GSE1: variants seen among roughly 807,000 people sequenced by gnomAD.
The protein encoded by GSE1 is genetic suppressor element 1.
A neutral mutation model predicts 112.6 loss-of-function variants in GSE1; 32 were observed. That is an observed-to-expected ratio of 0.28 (90% CI 0.21 to 0.38). GSE1 has a LOEUF of 0.38. Ranked by LOEUF, GSE1 falls within the 10% of genes least tolerant of loss-of-function variation. GSE1 has a pLI of 1.00. For synonymous variants in GSE1, 1,115 were observed against 735.6 expected, an observed-to-expected ratio of 1.52 and a Z score of -8.35; for missense variants, 2,348 against 1,699.2, an observed-to-expected ratio of 1.38 and a Z score of -6.71.
At chr16:85,423,734 C>A (rs897367547) in intron 2 of GSE1, among the ~76,000 whole-genome samples, 1 of 152,186 alleles carries the variant, frequency 6.6e-6, no homozygotes, top group Non-Finnish European at 1.5e-5. Flanking sequence ...CTCTCTCTGT[C>A]GCCGCATCCA....
intron 1 of GSE1, among the ~76,000 whole-genome samples, chr16:85,582,528 C>T (rs1310000587): frequency 2.6e-5 from 4 of 152,160 alleles, no homozygotes; most frequent in Non-Finnish European, 4.4e-5. Flanking sequence ...CCCTCCTTGG[C>T]GAGGGGAGGA....
chr16:85,233,225 C>T (rs897307051), intron 1 of GSE1, among the ~76,000 whole-genome samples: 1 of 152,274 alleles, frequency 6.6e-6, no homozygotes, highest in Non-Finnish European at 1.5e-5. Flanking sequence ...TACCCAGCCT[C>T]GTTTGTCAGC....
chr16:85,331,553 A>ATG (rs2046360750), intron 1 of GSE1, among the ~76,000 whole-genome samples: 4 of 86,404 alleles, frequency 4.6e-5, no homozygotes, highest in African/African-American at 2.2e-4. Context: ...GTGTGTATAT[A>ATG]TGTGTATATG....
chr16:85,245,006 A>AC (rs1308839123), intron 1 of GSE1, among the ~76,000 whole-genome samples: 7 of 151,376 alleles, frequency 4.6e-5, no homozygotes, highest in Non-Finnish European at 1.0e-4. Flanking sequence ...AAAAAAAAAA[A>AC]AATTTTTTTT....
intron 2 of GSE1, among the ~76,000 whole-genome samples, chr16:85,469,473 C>T (rs568274142): frequency 6.6e-6 from 1 of 152,162 alleles, no homozygotes; most frequent in Non-Finnish European, 1.5e-5. Context: ...GACATCTGGC[C>T]TCTGGGACTG....
intron 1 of GSE1, among the ~76,000 whole-genome samples, chr16:85,291,520 A>G (rs916147958): frequency 5.9e-5 from 9 of 152,078 alleles, no homozygotes; most frequent in African/African-American, 2.2e-4. Flanking sequence ...GGGTCGAATA[A>G]AGGGCTGTCG....
chr16:85,421,963 C>T (rs911106708), intron 2 of GSE1, among the ~76,000 whole-genome samples: 1 of 152,142 alleles, frequency 6.6e-6, no homozygotes, highest in East Asian at 1.9e-4. Context: ...CACAGCACCC[C>T]CCTTGAGGTA....
At chr16:85,500,513 G>A (rs561189349) in intron 2 of GSE1, among the ~76,000 whole-genome samples, 3 of 152,320 alleles carry the variant, frequency 2.0e-5, no homozygotes, top group African/African-American at 7.2e-5. Context: ...CTGGGTCCCC[G>A]ATCTCCATGG....
intron 2 of GSE1, among the ~76,000 whole-genome samples, chr16:85,647,014 C>T (rs1481860150): frequency 1.3e-5 from 2 of 152,184 alleles, no homozygotes; most frequent in Admixed American, 1.3e-4. Context: ...CCCCTTCTGA[C>T]CTGGGCGGGA....
At position 85,373,069 on chromosome 16, in the gene GSE1, TGA is replaced by T. The variant is rs2047336711; in HGVS notation, c.2464+15427_2464+15428del. Among the ~76,000 whole-genome samples the T allele has an allele frequency of 6.6e-6, 1 of 152,256 alleles. No homozygotes were observed. Among genetic ancestry groups the T allele is most frequent in the Non-Finnish European group, 1.5e-5 (1 of 68,042 alleles). Reference sequence around the variant, plus strand: ...TTCTCCAGAATCACCTGCACGGCTTTGACTGTGAGGGCAGTGGGCTGTGGCCT... The same window carrying T: ...TTCTCCAGAATCACCTGCACGGCTTTCTGTGAGGGCAGTGGGCTGTGGCCT... On this transcript the variant is annotated intron_variant, in intron 2 of 2. Coordinates refer to the GSE1 transcript ENST00000637419. This position sits in a 1 kb window ranked among gnomAD's most constrained non-coding sequence, Gnocchi z 5.1.
chr16:85,257,012 G>T (rs530961314), intron 1 of GSE1, among the ~76,000 whole-genome samples: 1 of 145,314 alleles, frequency 6.9e-6, no homozygotes, highest in South Asian at 2.1e-4. Flanking sequence ...ATTAGCCAAG[G>T]TGGGAGTCTT....
At chr16:85,258,606 G>A (rs1292250490) in intron 1 of GSE1, among the ~76,000 whole-genome samples, 1 of 152,140 alleles carries the variant, frequency 6.6e-6, no homozygotes, top group Non-Finnish European at 1.5e-5. Context: ...CAAGGCATCA[G>A]GAATCCCAGC....
At chr16:85,589,371 G>A (rs1226136149) in intron 1 of GSE1, among the ~76,000 whole-genome samples, 1 of 152,118 alleles carries the variant, frequency 6.6e-6, no homozygotes, top group African/African-American at 2.4e-5. Context: ...TGGACGCTGG[G>A]CAGAGCCTGG....
chr16:85,354,803 C>T (rs2046918461), intron 1 of GSE1, among the ~76,000 whole-genome samples: 1 of 152,220 alleles, frequency 6.6e-6, no homozygotes, highest in Non-Finnish European at 1.5e-5. Flanking sequence ...ACACAGTAGC[C>T]CCAAGCCTTC....
Position 85,230,411 on chromosome 16 carries a change from C to T in GSE1, c.2283+58604C>T, listed in dbSNP as rs1469329709. Among the ~76,000 whole-genome samples the T allele has an allele frequency of 4.6e-5, 7 of 152,108 alleles. No homozygotes were observed. In the South Asian group the frequency reaches 8.3e-4, roughly 18 times the overall value. ...CACGCCCCTTTCTTTTTGCAACTGA[C>T]GCAAACCCAACTCAGACTCACTCAA... On this transcript the variant is annotated intron_variant, in intron 1 of 2. Transcript: ENST00000637419.
intron 2 of GSE1, among the ~76,000 whole-genome samples, chr16:85,642,481 C>G (rs368424924): frequency 6.6e-6 from 1 of 152,204 alleles, no homozygotes; most frequent in African/African-American, 2.4e-5. Flanking sequence ...CCTGGGGACC[C>G]TCCTTCCAAG....
chr16:85,286,657 T>C (rs147533211), intron 1 of GSE1, among the ~76,000 whole-genome samples: 1 of 152,218 alleles, frequency 6.6e-6, no homozygotes, highest in African/African-American at 2.4e-5. Context: ...CGCTGCGGTT[T>C]ACGCATCTAT....
intron 1 of GSE1, among the ~76,000 whole-genome samples, chr16:85,227,346 C>T (rs1202968623): frequency 6.6e-6 from 1 of 152,242 alleles, no homozygotes; most frequent in Non-Finnish European, 1.5e-5. Flanking sequence ...GCACGCAGGC[C>T]TCTTCTCACG....
rs533203423 is a variant in GSE1 at position 85,268,651 on chromosome 16, G to A, written c.2284-88812G>A. On this transcript the variant is annotated intron_variant, in intron 1 of 2. Transcript: ENST00000637419. The stretch of plus-strand genomic sequence containing the variant: ...GGGGCACTGCTGCTGCCATGATCCC[G>A]GCGTGTAGCTGCCCCTGGAGCCCCC... 6.6e-5 allele frequency among the ~76,000 whole-genome samples: 10 copies of A among 152,280 alleles called. No individual in the cohort carries two copies. The South Asian group carries it at 2.1e-3, about 32-fold the overall frequency.
Sources: allele counts gnomAD v4.1 joint callset (sites outside exome capture counted in the v4.1 genomes callset), GRCh38; gene constraint gnomAD v4.1.1; non-coding constraint Gnocchi (gnomAD v3.1); transcripts MANE v1.5; gene names NCBI Gene and HGNC (gene_info 2026-07-23, HGNC 2026-07-21).